Variants in PRKRA observed in about 807,000 individuals in gnomAD.
PRKRA encodes protein activator of interferon induced protein kinase EIF2AK2.
A neutral mutation model predicts 32.4 loss-of-function variants in PRKRA; 22 were observed. The observed-to-expected ratio is 0.68, with a 90% CI of 0.49 to 0.97. The LOEUF (loss-of-function observed/expected upper bound fraction) is 0.97. Ranked by LOEUF, PRKRA falls within the 50% of genes least tolerant of loss-of-function variation. PRKRA has a pLI of 0.00. For synonymous variants in PRKRA, 139 were observed against 129.8 expected, an observed-to-expected ratio of 1.07 and a Z score of -0.48; for missense variants, 319 against 375.6, an observed-to-expected ratio of 0.85 and a Z score of 1.25.
At chr2:178,435,046 G>A (rs939272618) in intron 7 of PRKRA, among the ~76,000 whole-genome samples, 4 of 151,712 alleles carry the variant, frequency 2.6e-5, no homozygotes, top group Non-Finnish European at 5.9e-5. Flanking sequence ...GTGAAACCCC[G>A]TCTCTACTAA....
At chr2:178,434,532 C>T (rs1309141241) in intron 7 of PRKRA, among the ~76,000 whole-genome samples, 1 of 152,014 alleles carries the variant, frequency 6.6e-6, no homozygotes, top group African/African-American at 2.4e-5. Flanking sequence ...ATTGTCCCCA[C>T]CTCAGCCTCC....
rs1171648138 is a variant in PRKRA at position 178,431,486 on chromosome 2, G to C, written c.*611C>G. On this transcript the variant is annotated 3_prime_UTR_variant, in exon 8 of 8. Coordinates refer to ENST00000325748, the MANE Select transcript of PRKRA (RefSeq NM_003690.5). ...GAATTTCAAAGTAAATTAGAGATATGTAAATAACAGAATTATCAACATTAA... is the reference window on the plus strand; with the variant it reads ...GAATTTCAAAGTAAATTAGAGATATCTAAATAACAGAATTATCAACATTAA... 1 of 154,140 alleles carries C rather than the reference G, an allele frequency of 6.5e-6. No individual in the cohort carries two copies. Among genetic ancestry groups the C allele is most frequent in the East Asian group, 1.9e-4 (1 of 5,230 alleles). 9.5% of individuals were successfully genotyped at this position (154,140 alleles called of 1,614,324 possible).
chr2:178,443,653 AAAAAC>A (rs1697203494), intron 4 of PRKRA: 1 of 370,882 alleles, frequency 2.7e-6, no homozygotes, highest in African/African-American at 2.1e-5. Context: ...CATCAACTAG[AAAAAC>A]AGGCTACTAC....
At position 178,450,687 on chromosome 2, in the gene PRKRA, C is replaced by G. The variant is rs979242226; in HGVS notation, c.66-276G>C. 8.5e-5 allele frequency: 121 copies of G among 1,415,516 alleles called. No individual in the cohort carries two copies. The African/African-American group carries it at 1.4e-3, about 17-fold the overall frequency. The allele number at this position is 1,415,516 out of a possible 1,614,324, so 87.7% of individuals were successfully genotyped here. A position where few individuals can be genotyped will look rare whatever the true frequency, so the allele number is the denominator to read the frequency against. ...CAGAACAGGGCTGGCAGCAGCGCCG[C>G]AGCCTCTCAGGGAAAACCTGACGAT... On this transcript the variant is annotated intron_variant, in intron 1 of 7. Transcript: ENST00000325748.
At chr2:178,450,051 T>TATA in intron 2 of PRKRA, 191 bp downstream of exon 2, 1 of 771,068 alleles carries the variant, frequency 1.3e-6, no homozygotes, top group Non-Finnish European at 2.2e-6. Context: ...CCTTGGTATG[T>TATA]GGGGAAGAGA....
At chr2:178,450,012 G>C (rs932024551) in intron 2 of PRKRA, 5 of 611,018 alleles carry the variant, frequency 8.2e-6, no homozygotes, top group African/African-American at 1.8e-5. Flanking sequence ...CCAGCCATCC[G>C]GCTGGGTAAC....
At chr2:178,446,770 G>A (rs1277193934) in intron 3 of PRKRA, among the ~76,000 whole-genome samples, 1 of 152,084 alleles carries the variant, frequency 6.6e-6, no homozygotes, top group Non-Finnish European at 1.5e-5. Context: ...GAGGCTGGCG[G>A]ATCACGAGGT....
intron 3 of PRKRA, among the ~76,000 whole-genome samples, chr2:178,446,158 G>A (rs889627553): frequency 1.3e-5 from 2 of 152,034 alleles, no homozygotes; most frequent in Non-Finnish European, 2.9e-5. Context: ...GGGATTACAG[G>A]CGCCTGCCAC....
intron 6 of PRKRA, among the ~76,000 whole-genome samples, chr2:178,438,399 T>G (rs1212570658): frequency 6.6e-6 from 1 of 152,194 alleles, no homozygotes; most frequent in East Asian, 1.9e-4. Context: ...TATTGAATAA[T>G]CCATCCTCTC....
rs1696671924 is a variant in PRKRA, at chr2:178,431,977, T to C, written c.*120A>G. 2 of 1,197,648 alleles carry C rather than the reference T, an allele frequency of 1.7e-6. No individual in the cohort carries two copies. The highest frequency in any genetic ancestry group is 2.4e-6 in the Non-Finnish European group (2 of 832,718). 74.2% of individuals were successfully genotyped at this position (1,197,648 alleles called of 1,614,324 possible). A position where few individuals can be genotyped will look rare whatever the true frequency, so the allele number is the denominator to read the frequency against. ...GAGATAATTAAATCTGGAGTGTTGA[T>C]GGAATCTATGAAGAGATTTAGAAAC... On this transcript the variant is annotated 3_prime_UTR_variant, in exon 8 of 8. Transcript: ENST00000325748.
chr2:178,448,778 A>G (rs1447952954), intron 2 of PRKRA, among the ~76,000 whole-genome samples: 7 of 152,210 alleles, frequency 4.6e-5, no homozygotes, highest in Non-Finnish European at 5.9e-5. Flanking sequence ...TTAAACGCCA[A>G]TGGATAGAGT....
Position 178,450,774 on chromosome 2 carries a change from C to G in PRKRA, c.65+192G>C, listed in dbSNP as rs140744187. The G allele has an allele frequency of 8.8e-4, 1,183 of 1,346,836 alleles. 7 individuals carry two copies. The African/African-American group carries it at 0.017, about 19-fold the overall frequency. 83.4% of individuals were successfully genotyped at this position (1,346,836 alleles called of 1,614,324 possible). A position where few individuals can be genotyped will look rare whatever the true frequency, so the allele number is the denominator to read the frequency against. On this transcript the variant is annotated intron_variant, in intron 1 of 7. Transcript: ENST00000325748. ...CCGCCCCGCGCGCCGCCAGGGACCA[C>G]GAGAGGGGCGGGGCCCGGCCGCAGA...
chr2:178,436,351 G>C, intron 6 of PRKRA, 32 bp from the exon 7 acceptor site: 2 of 838,680 alleles, frequency 2.4e-6, no homozygotes, highest in Middle Eastern at 2.9e-4. Context: ...TTAGACTCTT[G>C]ACTAGGACTG....
intron 2 of PRKRA, 149 bp downstream of exon 2, chr2:178,450,093 A>C (rs1012551383): frequency 5.1e-6 from 5 of 986,940 alleles, no homozygotes; most frequent in South Asian, 3.9e-5. Flanking sequence ...GCAGCTGAAA[A>C]GCCCTAACGA....
At chr2:178,433,617 C>A (rs1294220529) in intron 7 of PRKRA, 4 of 152,090 alleles carry the variant, frequency 2.6e-5, no homozygotes, top group African/African-American at 9.7e-5. Flanking sequence ...TATCGAGCAT[C>A]TTTTCATGTA....
At chr2:178,445,669 A>G (rs1559357655) in intron 3 of PRKRA, 2 of 154,458 alleles carry the variant, frequency 1.3e-5, no homozygotes, top group African/African-American at 2.4e-5. Context: ...CAGGCTATAC[A>G]GAAACAGCAT....
At chr2:178,446,069 C>G in intron 3 of PRKRA, among the ~76,000 whole-genome samples, 1 of 151,588 alleles carries the variant, frequency 6.6e-6, no homozygotes. Flanking sequence ...GGCTGGAGTG[C>G]AGGGGCACAA....
intron 4 of PRKRA, 161 bp from the exon 5 acceptor site, chr2:178,443,545 TC>T (rs1697199697): frequency 5.1e-6 from 3 of 587,704 alleles, no homozygotes; most frequent in East Asian, 3.0e-5. Flanking sequence ...TCAAAGACAT[TC>T]CCGCATTTTA....
In PRKRA at chr2:178,436,139, T is replaced by G; in HGVS notation, c.784+6A>C. The G allele has an allele frequency of 5.0e-6, 4 of 796,864 alleles. No homozygotes were observed. Among genetic ancestry groups the G allele is most frequent in the Non-Finnish European group, 7.3e-6 (4 of 550,918 alleles). 49.4% of individuals were successfully genotyped at this position (796,864 alleles called of 1,614,324 possible). On this transcript the variant is annotated splice_donor_region_variant and intron_variant, in intron 7 of 7. Coordinates refer to ENST00000325748, the MANE Select transcript of PRKRA (RefSeq NM_003690.5). ...CTTGGGAAAGCCAAAGAAAAAAAAA[T>G]CATACCTATATCCAAATATGTTATA...
Sources: allele counts gnomAD v4.1 joint callset (sites outside exome capture counted in the v4.1 genomes callset), GRCh38; gene constraint gnomAD v4.1.1; transcripts MANE v1.5; gene names NCBI Gene and HGNC (gene_info 2026-07-23, HGNC 2026-07-21).